FAM114A2: variants seen among roughly 807,000 people sequenced by gnomAD.
FAM114A2 encodes protein FAM114A2.
Under a neutral mutation model 58.4 loss-of-function variants are expected in FAM114A2, and 53 were observed. The observed-to-expected ratio is 0.91, with a 90% CI of 0.73 to 1.14. The LOEUF is 1.14. Ranked by LOEUF, FAM114A2 falls within the 50% of genes most tolerant of loss-of-function variation. The pLI, the probability that FAM114A2 is intolerant of heterozygous loss-of-function variation, is 0.00. For missense variants in FAM114A2, 601 were observed against 581.1 expected, an observed-to-expected ratio of 1.03 and a Z score of -0.35; for synonymous variants, 228 against 211.4, an observed-to-expected ratio of 1.08 and a Z score of -0.68.
chr5:154,003,041 C>T, intron 9 of FAM114A2, 72 bp from the exon 10 acceptor site: 1 of 1,393,054 alleles, frequency 7.2e-7, no homozygotes, highest in Non-Finnish European at 1.0e-6. Context: ...CTACCAGGAA[C>T]ACAATAGCAT....
chr5:154,034,438 T>A, intron 2 of FAM114A2, 61 bp from the exon 3 acceptor site: 1 of 1,019,558 alleles, frequency 9.8e-7, no homozygotes, highest in Non-Finnish European at 1.5e-6. Context: ...TAGAGGAAAA[T>A]CAGAATGTAC....
chr5:154,024,481 AG>A (rs1270584608), intron 8 of FAM114A2, among the ~76,000 whole-genome samples: 2 of 152,202 alleles, frequency 1.3e-5, no homozygotes, highest in African/African-American at 4.8e-5. Context: ...CTAGTTTAAC[AG>A]ATGACAGCTA....
chr5:153,993,501 G>A (rs1339394042), intron 13 of FAM114A2, among the ~76,000 whole-genome samples: 3 of 152,158 alleles, frequency 2.0e-5, no homozygotes, highest in Non-Finnish European at 4.4e-5. Context: ...AGAATTTCTA[G>A]CCCATTATGA....
intron 8 of FAM114A2, among the ~76,000 whole-genome samples, chr5:154,015,698 T>C (rs142813844): frequency 0.049 from 7,404 of 152,120 alleles, 276 homozygotes; most frequent in Non-Finnish European, 0.076. Context: ...ACTCTGGTAA[T>C]ATGACAAAAC....
intron 4 of FAM114A2, among the ~76,000 whole-genome samples, chr5:154,033,116 T>G (rs1007703386): frequency 7.2e-5 from 11 of 152,096 alleles, no homozygotes; most frequent in Admixed American, 2.0e-4. Context: ...GGATTCAATA[T>G]AAAGCTGGAG....
At chr5:154,010,850 C>T (rs1350899362) in intron 9 of FAM114A2, among the ~76,000 whole-genome samples, 1 of 152,188 alleles carries the variant, frequency 6.6e-6, no homozygotes, top group Admixed American at 6.5e-5. Context: ...CCTCTAATCC[C>T]TATGGGCAAG....
intron 12 of FAM114A2, chr5:153,995,191 AT>A (rs1769478278): frequency 4.3e-6 from 2 of 467,202 alleles, no homozygotes; most frequent in Non-Finnish European, 7.7e-6. Flanking sequence ...TTGACAGTGT[AT>A]TGTTTTATAC....
intron 4 of FAM114A2, among the ~76,000 whole-genome samples, chr5:154,033,529 C>T (rs1772328966): frequency 6.6e-6 from 1 of 152,038 alleles, no homozygotes; most frequent in African/African-American, 2.4e-5. Context: ...ATATTCATGG[C>T]CTTATTTGTT....
At chr5:154,026,777 C>CA (rs1432013365) in intron 7 of FAM114A2, among the ~76,000 whole-genome samples, 12 of 143,888 alleles carry the variant, frequency 8.3e-5, no homozygotes, top group East Asian at 4.3e-4. Context: ...TTAGAAATAA[C>CA]AAAAAAATTA....
In FAM114A2 at chr5:154,002,369, G is replaced by A. The variant is rs765196839; in HGVS notation, c.1138C>T (p.Arg380Trp). The A allele has an allele frequency of 9.9e-6, 16 of 1,613,546 alleles. No individual in the cohort carries two copies. Among genetic ancestry groups the A allele is most frequent in the South Asian group, 3.3e-5 (3 of 91,062 alleles). The change falls in exon 11 of 14, where the codon CGG becomes TGG. Residue 380 changes from arginine to tryptophan, a missense_variant. Arg to Trp is a moderately radical substitution (Grantham distance 101). Coordinates refer to ENST00000351797, the MANE Select transcript of FAM114A2 (RefSeq NM_018691.4). The part of the protein sequence containing the change: ...SIEDIHAFAI[R>W]SLAELTACSI... ...CAGGCAGTCAGTTCAGCCAGGCTCC[G>A]GATTGCAAACGCATGGATATCCTGG...
rs911587737 is a variant in FAM114A2 at position 154,033,971 on chromosome 5, A to G, written c.311-88T>C. On this transcript the variant is annotated intron_variant, in intron 3 of 13. Coordinates refer to ENST00000351797, the MANE Select transcript of FAM114A2 (RefSeq NM_018691.4). ...AACTTGAAGATTTTTAAAATCATTT[A>G]GGACCACAAGACATGTTATTTTGAC... is the stretch of plus-strand genomic sequence containing the variant. 12 of 805,026 alleles carry G rather than the reference A, an allele frequency of 1.5e-5. No homozygotes were observed. The African/African-American group carries it at 2.1e-4, about 14-fold the overall frequency. The allele number at this position is 805,026 out of a possible 1,614,324, so 49.9% of individuals were successfully genotyped here.
Position 154,034,756 on chromosome 5 carries a change from A to G in FAM114A2, c.198T>C (p.Val66=), listed in dbSNP as rs1404279288. The change falls in exon 2 of 14, where the codon GTT becomes GTC. Residue 66 remains valine, a synonymous_variant. Coordinates refer to ENST00000351797, the MANE Select transcript of FAM114A2 (RefSeq NM_018691.4). ...TGGTCTGTGATACCTGAATAGGGAGAACTTTTGAAGTCTCAAGGTCACTGG... is the reference window on the plus strand; with the variant it reads ...TGGTCTGTGATACCTGAATAGGGAGGACTTTTGAAGTCTCAAGGTCACTGG... ...KPSSDLETSK[V]LPIQDNVSKD... 6.2e-7 allele frequency: 1 copy of G among 1,611,718 alleles called. No individual in the cohort carries two copies. The highest frequency in any genetic ancestry group is 8.5e-7 in the Non-Finnish European group (1 of 1,177,812).
In FAM114A2 at chr5:153,997,817, G is replaced by C; in HGVS notation, c.1315C>G (p.Leu439Val). The C allele has an allele frequency of 6.3e-7, 1 of 1,583,840 alleles. No individual in the cohort carries two copies. The highest frequency in any genetic ancestry group is 8.7e-7 in the Non-Finnish European group (1 of 1,152,620). ...TGGATTCTTACCCCAGCAGTTGTTA[G>C]GCAGGTAGTGAACTCTTTAGACAGA... ...SSLSKEFTTC[L>V]TTAGVKEMAD... The change falls in exon 12 of 14, where the codon CTA (leucine) becomes GTA (valine). Residue 439 changes from leucine (L) to valine (V), a missense_variant. Leu to Val is a conservative substitution (Grantham distance 32). Transcript: ENST00000351797.
chr5:154,035,618 G>T (rs1177318352), intron 1 of FAM114A2, among the ~76,000 whole-genome samples: 1 of 151,968 alleles, frequency 6.6e-6, no homozygotes, highest in Non-Finnish European at 1.5e-5. Flanking sequence ...TTCCAGTTTG[G>T]GACTATTATA....
chr5:153,990,443 T>C lies in FAM114A2; in HGVS notation c.*2533A>G, dbSNP rs1232223674. 1 of 150,922 alleles carries C rather than the reference T, an allele frequency of 6.6e-6. No individual in the cohort carries two copies. Among genetic ancestry groups the C allele is most frequent in the Non-Finnish European group, 1.5e-5 (1 of 67,932 alleles). The allele number at this position is 150,922 out of a possible 1,614,324, so 9.3% of individuals were successfully genotyped here. On this transcript the variant is annotated 3_prime_UTR_variant, in exon 14 of 14. Coordinates refer to ENST00000351797, the MANE Select transcript of FAM114A2 (RefSeq NM_018691.4). ...TGATTTCAGATTCATAGTAATGCCATCTATAAAAATTACAATTTCACATTT... is the reference window on the plus strand; with the variant it reads ...TGATTTCAGATTCATAGTAATGCCACCTATAAAAATTACAATTTCACATTT...
chr5:154,031,434 G>A (rs1772194673), intron 4 of FAM114A2, among the ~76,000 whole-genome samples: 2 of 150,466 alleles, frequency 1.3e-5, no homozygotes, highest in Non-Finnish European at 3.0e-5. Flanking sequence ...CCTAATAGAT[G>A]ATCAATGATT....
chr5:154,009,358 C>G (rs145288094), intron 9 of FAM114A2, among the ~76,000 whole-genome samples: 1 of 152,058 alleles, frequency 6.6e-6, no homozygotes, highest in Non-Finnish European at 1.5e-5. Flanking sequence ...GGGGGAAAAG[C>G]AGAACTCCAT....
chr5:154,019,916 T>C (rs2113388492), intron 8 of FAM114A2, among the ~76,000 whole-genome samples: 1 of 152,216 alleles, frequency 6.6e-6, no homozygotes, highest in East Asian at 1.9e-4. Context: ...CCTCAGCAAA[T>C]GTAAAAGAAC....
chr5:154,028,826 G>C (rs541057228), intron 5 of FAM114A2, among the ~76,000 whole-genome samples: 1 of 152,238 alleles, frequency 6.6e-6, no homozygotes, highest in East Asian at 1.9e-4. Flanking sequence ...GTGGAAGTCA[G>C]GATTATGGTT....
Sources: gnomAD v4.1 joint callset for allele counts (sites outside exome capture counted in the v4.1 genomes callset) on GRCh38, gnomAD v4.1.1 for gene constraint, MANE v1.5 for transcripts, NCBI Gene and HGNC (gene_info 2026-07-23, HGNC 2026-07-21) for gene names.